SCAND3: variants seen among roughly 807,000 people sequenced by gnomAD.
SCAND3 encodes SCAN domain containing 3.
chr6:28,598,589 AGTT>A, the SCAND3 span, among the ~76,000 whole-genome samples: 1 of 152,096 alleles, frequency 6.6e-6, no homozygotes, highest in Non-Finnish European at 1.5e-5. Flanking sequence ...GAATGAGGAC[AGTT>A]GTTATGATTT....
the SCAND3 span, chr6:28,586,575 C>G: frequency 6.2e-7 from 1 of 1,614,242 alleles, no homozygotes; most frequent in East Asian, 2.2e-5. This position sits in a 1 kb window ranked among gnomAD's most constrained non-coding sequence, Gnocchi z 4.4. Flanking sequence ...AGAGAGTTCC[C>G]TGGTATAAGA....
the SCAND3 span, among the ~76,000 whole-genome samples, chr6:28,611,694 T>C: frequency 0.42 from 63,445 of 152,076 alleles, 15,900 homozygotes; most frequent in Non-Finnish European, 0.55. Context: ...AGTTTAACAA[T>C]TCCATTCCCA....
At chr6:28,596,831 G>T in the SCAND3 span, among the ~76,000 whole-genome samples, 1 of 152,158 alleles carries the variant, frequency 6.6e-6, no homozygotes, top group African/African-American at 2.4e-5. Context: ...TAAGTATTTT[G>T]TTGGGGGAGG....
At chr6:28,584,961 G>C in the SCAND3 span, among the ~76,000 whole-genome samples, 13 of 152,130 alleles carry the variant, frequency 8.5e-5, no homozygotes, top group Non-Finnish European at 1.3e-4. Context: ...TTAACTCTGA[G>C]AAAGACTGCA....
the SCAND3 span, chr6:28,573,324 C>T: frequency 6.2e-7 from 1 of 1,614,124 alleles, no homozygotes; most frequent in South Asian, 1.1e-5. Flanking sequence ...ATTCACCCAA[C>T]ATTTCCAAGC....
At chr6:28,610,153 A>G in the SCAND3 span, among the ~76,000 whole-genome samples, 1 of 152,088 alleles carries the variant, frequency 6.6e-6, no homozygotes, top group African/African-American at 2.4e-5. Context: ...AAAGCCAGTA[A>G]GGCTTTTTTC....
At chr6:28,611,310 A>G in the SCAND3 span, among the ~76,000 whole-genome samples, 1 of 152,164 alleles carries the variant, frequency 6.6e-6, no homozygotes, top group Non-Finnish European at 1.5e-5. Context: ...ATCTAAAACC[A>G]TGTTCTAGAT....
At chr6:28,604,615 CA>C in the SCAND3 span, among the ~76,000 whole-genome samples, 69,361 of 124,396 alleles carry the variant, frequency 0.56, 17,218 homozygotes, top group African/African-American at 0.67. Flanking sequence ...GACTCTGTCT[CA>C]AAAAAAAAAA....
chr6:28,602,810 T>C, the SCAND3 span, among the ~76,000 whole-genome samples: 2 of 152,242 alleles, frequency 1.3e-5, no homozygotes, highest in Admixed American at 6.5e-5. Context: ...AGATTGAACT[T>C]GGAGTATTGT....
At chr6:28,575,572 T>C in the SCAND3 span, 1 of 1,614,046 alleles carries the variant, frequency 6.2e-7, no homozygotes, top group Non-Finnish European at 8.5e-7. The surrounding 1 kb of genome is among the most constrained non-coding windows in gnomAD (Gnocchi z 4.2). Flanking sequence ...GTCTATAAGA[T>C]CTACTTGGCA....
chr6:28,612,324 C>T, the SCAND3 span, among the ~76,000 whole-genome samples: 2 of 152,144 alleles, frequency 1.3e-5, no homozygotes, highest in Non-Finnish European at 2.9e-5. Context: ...AGGCGTGAGC[C>T]ACTGGGCCCT....
At chr6:28,581,691 A>C in the SCAND3 span, among the ~76,000 whole-genome samples, 1 of 152,204 alleles carries the variant, frequency 6.6e-6, no homozygotes, top group Non-Finnish European at 1.5e-5. Flanking sequence ...GGTGAAACTA[A>C]AGTAATCTCC....
chr6:28,602,256 C>T, the SCAND3 span, among the ~76,000 whole-genome samples: 30 of 152,178 alleles, frequency 2.0e-4, no homozygotes, highest in Admixed American at 2.6e-4. Flanking sequence ...GTCACCCAGG[C>T]TGGAGTGCAG....
chr6:28,589,522 A>G, the SCAND3 span: 8 of 151,962 alleles, frequency 5.3e-5, no homozygotes, highest in African/African-American at 1.9e-4. Context: ...TCCGCTTCCC[A>G]TCGAATTCTC....
the SCAND3 span, among the ~76,000 whole-genome samples, chr6:28,576,776 T>A: frequency 2.0e-5 from 3 of 151,964 alleles, no homozygotes; most frequent in African/African-American, 7.2e-5. Context: ...GACTTTTTTT[T>A]TTTTTTTGTA....
At chr6:28,603,218 A>C in the SCAND3 span, among the ~76,000 whole-genome samples, 839 of 152,248 alleles carry the variant, frequency 5.5e-3, 12 homozygotes, top group African/African-American at 0.019. Flanking sequence ...TCAACCTCCC[A>C]AAGTGCTGGG....
At chr6:28,574,871 C>G in the SCAND3 span, 3 of 1,614,010 alleles carry the variant, frequency 1.9e-6, no homozygotes, top group East Asian at 6.7e-5. Context: ...CTATTAACAC[C>G]TGTGCATTCT....
chr6:28,593,496 G>A, the SCAND3 span: 1 of 151,954 alleles, frequency 6.6e-6, no homozygotes, highest in African/African-American at 2.4e-5. Flanking sequence ...CCACCATGGT[G>A]AAACCCCGTC....
At chr6:28,582,509 A>T in the SCAND3 span, among the ~76,000 whole-genome samples, 1 of 152,210 alleles carries the variant, frequency 6.6e-6, no homozygotes, top group African/African-American at 2.4e-5. The surrounding 1 kb of genome is among the most constrained non-coding windows in gnomAD (Gnocchi z 4.8). Context: ...TGAATGTATT[A>T]AAAAAACATG....
Sources: gnomAD v4.1 joint callset for allele counts (sites outside exome capture counted in the v4.1 genomes callset) on GRCh38, gnomAD v4.1.1 for gene constraint, Gnocchi (gnomAD v3.1) non-coding constraint, MANE v1.5 for transcripts, NCBI Gene and HGNC (gene_info 2026-07-23, HGNC 2026-07-21) for gene names.